Variants in DDX60 observed in about 807,000 individuals in gnomAD.
DDX60 encodes DExD/H-box helicase 60.
A neutral mutation model predicts 212.8 loss-of-function variants in DDX60; 165 were observed. The observed-to-expected ratio is 0.78, with a 90% CI of 0.68 to 0.88. The LOEUF (loss-of-function observed/expected upper bound fraction) is 0.88. DDX60 is among the 40% of genes least tolerant of loss of function. The pLI is 0.00. For missense variants in DDX60, 1,905 were observed against 2,003.9 expected (o/e 0.95, Z 0.94); for synonymous variants, 703 against 685.3 (o/e 1.03, Z -0.40).
chr4:168,257,788 A>C (rs1215939698), intron 25 of DDX60, among the ~76,000 whole-genome samples: 1 of 152,210 alleles, frequency 6.6e-6, no homozygotes, highest in Non-Finnish European at 1.5e-5. Flanking sequence ...ATTATAACCC[A>C]AGATGCACAG....
chr4:168,269,794 A>C (rs1037628469), intron 19 of DDX60, among the ~76,000 whole-genome samples: 1 of 152,200 alleles, frequency 6.6e-6, no homozygotes, highest in Non-Finnish European at 1.5e-5. Flanking sequence ...TGGTCCAGAA[A>C]GAATGACCTT....
Position 168,262,728 on chromosome 4 carries a change from C to T in DDX60, c.3099G>A (p.Leu1033=), listed in dbSNP as rs986805324. ...TCCAAATTTGAAACATGGCATCATA[C>T]AGCTGGATGCTTTCTCGAGGTGAAA... ...LTLSPRESIQ[L]YDAMFQIWKS... is the part of the protein sequence containing the mutation. Residue 1033 remains leucine, a synonymous_variant, in exon 23 of 38, where the codon CTG becomes CTA. Transcript: ENST00000393743. 3.7e-6 allele frequency: 6 copies of T among 1,612,538 alleles called. No individual in the cohort carries two copies. The African/African-American group carries it at 6.7e-5, about 18-fold the overall frequency.
At chr4:168,233,658 A>T (rs1220832369) in intron 33 of DDX60, among the ~76,000 whole-genome samples, 1 of 152,150 alleles carries the variant, frequency 6.6e-6, no homozygotes, top group Non-Finnish European at 1.5e-5. Context: ...GAGCTAAGCT[A>T]TGAGGACACA....
chr4:168,234,979 TC>T (rs1733581493), intron 33 of DDX60, among the ~76,000 whole-genome samples: 1 of 152,060 alleles, frequency 6.6e-6, no homozygotes, highest in Non-Finnish European at 1.5e-5. Flanking sequence ...GTCTTCGTCT[TC>T]TCAAATCTAA....
intron 24 of DDX60, 112 bp from the exon 25 acceptor site, chr4:168,261,101 A>T (rs114214243): frequency 0.017 from 19,705 of 1,129,114 alleles, 1,123 homozygotes; most frequent in East Asian, 0.17. Flanking sequence ...GGGTTTTTTT[A>T]AAATAGTCCT....
Position 168,295,152 on chromosome 4 carries a change from C to A in DDX60, c.724-1207G>T, listed in dbSNP as rs549506138. ...TGGTAGGAATGTAAATCAGTACAGG[C>A]ATTATGTAAAACGATATGAAGCTTC... On this transcript the variant is annotated intron_variant, in intron 6 of 37. Coordinates refer to ENST00000393743, the MANE Select transcript of DDX60 (RefSeq NM_017631.6). 6.0e-4 allele frequency among the ~76,000 whole-genome samples: 91 copies of A among 152,260 alleles called. 2 individuals are homozygous for A. In the South Asian group the frequency reaches 0.019, roughly 32 times the overall value.
At chr4:168,321,103 C>T (rs1737602100), upstream of DDX60, among the ~76,000 whole-genome samples, 1 of 152,100 alleles carries the variant, frequency 6.6e-6, no homozygotes, top group African/African-American at 2.4e-5. Context: ...TTCAATTTTC[C>T]ACCCCAAAGT....
In DDX60 at chr4:168,216,938, CTTTG is replaced by C. The variant is rs753371155; in HGVS notation, c.5130_5133del (p.Asn1710LysfsTer16). On this transcript the variant is annotated frameshift_variant, in exon 38 of 38. Transcript: ENST00000393743. LOFTEE classifies it high-confidence loss of function. ...GGTTTGCATAGACTTTGTTTTTAGA[CTTTG>C]TTTAACTTTTCCCAAAAAGTTGTAC... 1.3e-5 allele frequency: 20 copies of C among 1,592,576 alleles called. No homozygotes were observed. The highest frequency in any genetic ancestry group is 2.7e-5 in the African/African-American group (2 of 73,460).
chr4:168,290,868 T>C (rs9994917), intron 8 of DDX60, among the ~76,000 whole-genome samples: 57,909 of 152,100 alleles, frequency 0.38, 11,234 homozygotes, highest in African/African-American at 0.47. Flanking sequence ...TACCACAATG[T>C]ACTAAATGTT....
intron 1 of DDX60, among the ~76,000 whole-genome samples, chr4:168,312,331 A>G (rs1199413945): frequency 2.6e-5 from 4 of 152,188 alleles, no homozygotes; most frequent in African/African-American, 9.6e-5. Flanking sequence ...TGTAAGTAGT[A>G]AAATATACAA....
At chr4:168,286,975 G>A in intron 10 of DDX60, 73 bp downstream of exon 10, 1 of 1,169,068 alleles carries the variant, frequency 8.6e-7, no homozygotes, top group Non-Finnish European at 1.2e-6. Context: ...TTGCAGCACT[G>A]AATTAGTGGT....
At chr4:168,305,303 A>C (rs544945114) in intron 5 of DDX60, among the ~76,000 whole-genome samples, 1 of 152,232 alleles carries the variant, frequency 6.6e-6, no homozygotes, top group Non-Finnish European at 1.5e-5. Context: ...TACTAACTAA[A>C]GCAATACAAA....
chr4:168,223,239 T>C (rs997116396), intron 35 of DDX60, among the ~76,000 whole-genome samples: 1 of 152,078 alleles, frequency 6.6e-6, no homozygotes, highest in Non-Finnish European at 1.5e-5. Flanking sequence ...AACTTATCTA[T>C]ATGCTATAAA....
chr4:168,252,959 C>T (rs964008982), intron 26 of DDX60, among the ~76,000 whole-genome samples: 5 of 152,044 alleles, frequency 3.3e-5, no homozygotes, highest in Admixed American at 6.6e-5. Flanking sequence ...TGTCCACCAC[C>T]GCACCTGGCT....
intron 25 of DDX60, among the ~76,000 whole-genome samples, chr4:168,257,933 A>G (rs745810351): frequency 2.0e-5 from 3 of 152,180 alleles, no homozygotes; most frequent in Non-Finnish European, 4.4e-5. Flanking sequence ...GCTGGCATCA[A>G]TTTATCGGTG....
In DDX60 at chr4:168,248,376, C is replaced by A; in HGVS notation, c.3859-84G>T. 6 of 981,506 alleles carry A rather than the reference C, an allele frequency of 6.1e-6. No individual in the cohort carries two copies. In the South Asian group the frequency reaches 1.1e-4, roughly 19 times the overall value. The allele number at this position is 981,506 out of a possible 1,614,324, so 60.8% of individuals were successfully genotyped here. A position where few individuals can be genotyped will look rare whatever the true frequency, so the allele number is the denominator to read the frequency against. On this transcript the variant is annotated intron_variant, in intron 28 of 37. Coordinates refer to ENST00000393743, the MANE Select transcript of DDX60 (RefSeq NM_017631.6). The stretch of plus-strand genomic sequence containing the variant: ...TTCCTGTCATAAAGTTGCTGAAAAA[C>A]TCTTTGAGCTTCAATTAAGCCACAA...
chr4:168,261,397 AATTAT>A (rs1351209974), intron 24 of DDX60, among the ~76,000 whole-genome samples: 1 of 152,206 alleles, frequency 6.6e-6, no homozygotes, highest in African/African-American at 2.4e-5. Flanking sequence ...AATGTAACTC[AATTAT>A]ATTATGTTTT....
chr4:168,248,134 C>T (rs11731277), intron 29 of DDX60, 54 bp downstream of exon 29: 29,456 of 1,190,594 alleles, frequency 0.025, 465 homozygotes, highest in African/African-American at 0.059. Context: ...TGTTTTACTA[C>T]GCTATGGCCA....
At chr4:168,267,716 C>T (rs759366917) in intron 21 of DDX60, 25 bp from the exon 22 acceptor site, 1 of 1,555,190 alleles carries the variant, frequency 6.4e-7, no homozygotes, top group Non-Finnish European at 8.7e-7. Flanking sequence ...CAAGAATTTC[C>T]ACATCAATGG....
Sources: allele counts gnomAD v4.1 joint callset (sites outside exome capture counted in the v4.1 genomes callset), GRCh38; gene constraint gnomAD v4.1.1; transcripts MANE v1.5; gene names NCBI Gene and HGNC (gene_info 2026-07-23, HGNC 2026-07-21).